UIMC1: variants seen among roughly 807,000 people sequenced by gnomAD.
UIMC1 encodes the protein BRCA1-A complex subunit RAP80.
Under a neutral mutation model 84.9 loss-of-function variants are expected in UIMC1, and 42 were observed. The ratio of observed to expected loss-of-function variants is 0.49; its 90% CI spans 0.39 to 0.64. The LOEUF (loss-of-function observed/expected upper bound fraction) is 0.64. UIMC1 is among the 30% of genes least tolerant of loss of function. The pLI is 0.00. For synonymous variants in UIMC1, 281 were observed against 293.0 expected, an observed-to-expected ratio of 0.96 and a Z score of 0.42; for missense variants, 825 against 847.6, an observed-to-expected ratio of 0.97 and a Z score of 0.33.
intron 13 of UIMC1, 160 bp from the exon 14 acceptor site, chr5:176,906,207 A>T: frequency 1.6e-6 from 1 of 616,816 alleles, no homozygotes; most frequent in South Asian, 2.1e-5. Context: ...GGTGAGCATT[A>T]GTGTCCAACA....
chr5:176,934,771 C>T (rs770024789), intron 10 of UIMC1, among the ~76,000 whole-genome samples: 1 of 152,200 alleles, frequency 6.6e-6, no homozygotes, highest in Non-Finnish European at 1.5e-5. Flanking sequence ...AAAGGCCTAT[C>T]AGAGTCTTCC....
intron 10 of UIMC1, among the ~76,000 whole-genome samples, chr5:176,935,309 T>A (rs1763594878): frequency 6.6e-6 from 1 of 152,220 alleles, no homozygotes; most frequent in Non-Finnish European, 1.5e-5. Flanking sequence ...GATTTTAGCC[T>A]ACCGTTCTCT....
At chr5:176,939,424 T>C (rs1417431403) in intron 10 of UIMC1, among the ~76,000 whole-genome samples, 1 of 152,118 alleles carries the variant, frequency 6.6e-6, no homozygotes, top group Non-Finnish European at 1.5e-5. Flanking sequence ...AAAAAGACAT[T>C]TCAGCCAACA....
chr5:176,968,052 A>C (rs1768579898), intron 6 of UIMC1, among the ~76,000 whole-genome samples: 1 of 152,188 alleles, frequency 6.6e-6, no homozygotes, highest in African/African-American at 2.4e-5. Flanking sequence ...TTGTTCAAAA[A>C]ATTTTTTCAT....
At chr5:176,986,128 C>T (rs1006752390) in intron 1 of UIMC1, among the ~76,000 whole-genome samples, 5 of 151,084 alleles carry the variant, frequency 3.3e-5, no homozygotes, top group East Asian at 1.9e-4. Flanking sequence ...AGAAGGCCGT[C>T]GTGGGCTGAT....
intron 6 of UIMC1, among the ~76,000 whole-genome samples, chr5:176,968,131 T>C (rs1241508706): frequency 2.0e-5 from 3 of 152,088 alleles, no homozygotes; most frequent in Non-Finnish European, 1.5e-5. Flanking sequence ...CCCAACACTT[T>C]GGGAGGCCAA....
At chr5:176,967,210 G>A (rs1432372269) in intron 6 of UIMC1, among the ~76,000 whole-genome samples, 1 of 151,864 alleles carries the variant, frequency 6.6e-6, no homozygotes, top group African/African-American at 2.4e-5. Context: ...TATCTTCCAT[G>A]TGGATGAAAT....
In UIMC1 at chr5:176,908,640, A is replaced by G. The variant is rs1759720648; in HGVS notation, c.1731T>C (p.Cys577=). 2.5e-6 allele frequency: 4 copies of G among 1,614,200 alleles called. No individual in the cohort carries two copies. The highest frequency in any genetic ancestry group is 3.4e-6 in the Non-Finnish European group (4 of 1,180,010). The change falls in exon 12 of 15, where the codon TGT becomes TGC. Residue 577 remains cysteine, a synonymous_variant. Transcript: ENST00000511320. ...KSLVPFREYQ[C]HVDSCLQLAK... Reference sequence around the variant, plus strand: ...CAAGCTGGAGACAGGAGTCCACATGACACTGATACTCTCTAAATGGGACCA... The same window carrying G: ...CAAGCTGGAGACAGGAGTCCACATGGCACTGATACTCTCTAAATGGGACCA...
chr5:176,993,486 G>C (rs1773169306), intron 1 of UIMC1, among the ~76,000 whole-genome samples: 2 of 151,966 alleles, frequency 1.3e-5, no homozygotes, highest in African/African-American at 4.8e-5. Context: ...TCCATGCCCA[G>C]GCACAAATAT....
At position 176,963,157 on chromosome 5, in the gene UIMC1, TAAAAAAAAAA is replaced by T. The variant is rs70991588; in HGVS notation, c.1201-5013_1201-5004del. Among the ~76,000 whole-genome samples, 22 of 13,964 alleles carry T rather than the reference TAAAAAAAAAA, an allele frequency of 1.6e-3. 4 individuals are homozygous for T. The highest frequency in any genetic ancestry group is 9.2e-3 in the African/African-American group (12 of 1,306). The allele number at this position is 13,964 out of a possible 152,430, so 9.2% of individuals were successfully genotyped here. A position where few individuals can be genotyped will look rare whatever the true frequency, so the allele number is the denominator to read the frequency against. ...AAGAATTATCAATAAAAAAATAAATTAAAAAAAAAAAAAAAAAAAAAAAAAAAAAATTCAA... is the reference window on the plus strand; with the variant it reads ...AAGAATTATCAATAAAAAAATAAATTAAAAAAAAAAAAAAAAAAAATTCAA... On this transcript the variant is annotated intron_variant, in intron 6 of 14. Transcript: ENST00000511320.
chr5:176,913,608 C>T (rs1347122541), intron 10 of UIMC1, among the ~76,000 whole-genome samples: 2 of 152,192 alleles, frequency 1.3e-5, no homozygotes, highest in Non-Finnish European at 2.9e-5. Flanking sequence ...TATTGACAAT[C>T]CTGGTATACT....
rs1054051254 is a variant in UIMC1 at position 177,006,680 on chromosome 5, T to C, written c.-39A>G. 1 of 151,736 alleles carries C rather than the reference T, an allele frequency of 6.6e-6. No individual in the cohort carries two copies. 9.4% of individuals were successfully genotyped at this position (151,736 alleles called of 1,614,324 possible). A position where few individuals can be genotyped will look rare whatever the true frequency, so the allele number is the denominator to read the frequency against. ...GGCGCAGGCCGCTCTGTAGACCTTC[T>C]CCGGGTTGCCGGGGGTCGCGAGCCG... On this transcript the variant is annotated 5_prime_UTR_variant, in exon 1 of 15. Coordinates refer to ENST00000511320, the MANE Select transcript of UIMC1 (RefSeq NM_001199298.2).
chr5:176,959,009 A>C (rs777377025), intron 6 of UIMC1, among the ~76,000 whole-genome samples: 1 of 152,252 alleles, frequency 6.6e-6, no homozygotes, highest in African/African-American at 2.4e-5. Flanking sequence ...AATAACCTAA[A>C]CAAGTTAGGC....
At chr5:176,959,378 G>C (rs1021921965) in intron 6 of UIMC1, among the ~76,000 whole-genome samples, 1 of 152,158 alleles carries the variant, frequency 6.6e-6, no homozygotes, top group Non-Finnish European at 1.5e-5. Flanking sequence ...CTCCATCTCT[G>C]CCTTAGGCTA....
intron 10 of UIMC1, among the ~76,000 whole-genome samples, chr5:176,924,457 A>G (rs1175998664): frequency 6.6e-6 from 1 of 152,182 alleles, no homozygotes; most frequent in Non-Finnish European, 1.5e-5. Context: ...CATAAAGACA[A>G]ACAGATCAAT....
chr5:176,981,750 T>G (rs548470767), intron 2 of UIMC1, among the ~76,000 whole-genome samples: 4 of 151,474 alleles, frequency 2.6e-5, no homozygotes, highest in Non-Finnish European at 5.9e-5. Flanking sequence ...CTAACACCAC[T>G]GCACTCCAGC....
At chr5:176,926,727 G>A (rs1762427862) in intron 10 of UIMC1, among the ~76,000 whole-genome samples, 1 of 152,074 alleles carries the variant, frequency 6.6e-6, no homozygotes, top group African/African-American at 2.4e-5. Flanking sequence ...CTCTCAAATG[G>A]CCAGGGAAAG....
intron 7 of UIMC1, 144 bp from the exon 8 acceptor site, chr5:176,956,179 G>A (rs998530846): frequency 3.3e-5 from 22 of 661,314 alleles, no homozygotes; most frequent in African/African-American, 5.5e-5. Context: ...AGGAAAGCAA[G>A]GAATCAGTAC....
chr5:176,923,888 T>TACAC (rs1561745050), intron 10 of UIMC1, among the ~76,000 whole-genome samples: 1 of 136,768 alleles, frequency 7.3e-6, no homozygotes, highest in Admixed American at 6.9e-5. Context: ...TATATATATA[T>TACAC]ACACACACAC....
Sources: allele counts gnomAD v4.1 joint callset (sites outside exome capture counted in the v4.1 genomes callset), GRCh38; gene constraint gnomAD v4.1.1; transcripts MANE v1.5; gene names NCBI Gene and HGNC (gene_info 2026-07-23, HGNC 2026-07-21).